Variants in PPIL4 observed in about 807,000 individuals in gnomAD.
The protein encoded by PPIL4 is peptidyl-prolyl cis-trans isomerase-like 4.
In PPIL4, 50 loss-of-function variants were observed where a neutral mutation model predicts 69.1. That is an observed-to-expected ratio of 0.72 (90% CI 0.58 to 0.92). The LOEUF (loss-of-function observed/expected upper bound fraction) is 0.92, where lower values mean the gene tolerates loss of function less well. Ranked by LOEUF, PPIL4 falls within the 40% of genes least tolerant of loss-of-function variation. PPIL4 has a pLI of 0.00. For synonymous variants in PPIL4, 193 were observed against 191.6 expected, an observed-to-expected ratio of 1.01 and a Z score of -0.06; for missense variants, 480 against 587.9, an observed-to-expected ratio of 0.82 and a Z score of 1.90.
At chr6:149,523,753 G>A (rs1225229286) in intron 9 of PPIL4, among the ~76,000 whole-genome samples, 2 of 151,852 alleles carry the variant, frequency 1.3e-5, no homozygotes, top group Non-Finnish European at 2.9e-5. Context: ...CTCAAAACAT[G>A]GGCAGTCATT....
intron 11 of PPIL4, among the ~76,000 whole-genome samples, chr6:149,513,418 TA>T (rs1266716952): frequency 3.1e-5 from 3 of 98,138 alleles, no homozygotes; most frequent in African/African-American, 1.4e-4. Context: ...AAAAAATATA[TA>T]TATATATATA....
chr6:149,520,729 C>T (rs1173547521), intron 10 of PPIL4, among the ~76,000 whole-genome samples: 1 of 152,064 alleles, frequency 6.6e-6, no homozygotes, highest in Non-Finnish European at 1.5e-5. Flanking sequence ...ATAACAAAAA[C>T]AAGGCCGGGC....
chr6:149,511,726 C>T (rs1187205420), intron 12 of PPIL4, among the ~76,000 whole-genome samples: 1 of 151,990 alleles, frequency 6.6e-6, no homozygotes, highest in East Asian at 1.9e-4. Context: ...ATTACCAGTG[C>T]TGTTTTTCTT....
chr6:149,523,261 T>C (rs1777058516), intron 9 of PPIL4, among the ~76,000 whole-genome samples: 1 of 151,996 alleles, frequency 6.6e-6, no homozygotes, highest in East Asian at 1.9e-4. Context: ...AAGTCCAGCC[T>C]GGGCAACACA....
chr6:149,533,321 C>G (rs1244743267), intron 7 of PPIL4, 137 bp downstream of exon 7: 2 of 585,336 alleles, frequency 3.4e-6, no homozygotes, highest in African/African-American at 3.8e-5. Flanking sequence ...TATTACTATG[C>G]CATACCAAAT....
intron 10 of PPIL4, chr6:149,517,731 C>A (rs964838866): frequency 1.3e-5 from 3 of 237,284 alleles, no homozygotes; most frequent in African/African-American, 6.9e-5. Context: ...TCAAGTAGAG[C>A]CATTGAGCCC....
At chr6:149,535,335 A>G (rs994999148) in intron 5 of PPIL4, among the ~76,000 whole-genome samples, 2 of 152,346 alleles carry the variant, frequency 1.3e-5, no homozygotes, top group Admixed American at 6.5e-5. Flanking sequence ...CAGCCTGGGC[A>G]ACAGCATGAG....
Position 149,523,798 on chromosome 6 carries a change from G to A in PPIL4, c.870+1345C>T, listed in dbSNP as rs73781220. On this transcript the variant is annotated intron_variant, in intron 9 of 12. Coordinates refer to ENST00000253329, the MANE Select transcript of PPIL4 (RefSeq NM_139126.4). The stretch of plus-strand genomic sequence containing the variant: ...GCTACAAATGAAATTTTATTTGTGA[G>A]AAAATAAATAATAGATTCTATAGTG... Among the ~76,000 whole-genome samples the A allele has an allele frequency of 9.6e-3, 1,467 of 152,204 alleles. 32 individuals carry two copies. The highest frequency in any genetic ancestry group is 0.034 in the African/African-American group (1,412 of 41,530).
chr6:149,520,309 T>C (rs1410069284), intron 10 of PPIL4, among the ~76,000 whole-genome samples: 1 of 151,904 alleles, frequency 6.6e-6, no homozygotes, highest in African/African-American at 2.4e-5. Context: ...GGAAGAGAAA[T>C]TAGATAGATG....
At chr6:149,530,098 C>T (rs1777172736) in intron 7 of PPIL4, among the ~76,000 whole-genome samples, 1 of 152,074 alleles carries the variant, frequency 6.6e-6, no homozygotes, top group Non-Finnish European at 1.5e-5. Context: ...TTTGTCAGTT[C>T]CACCGAATGT....
chr6:149,510,828 T>TCTC (rs1270928924), intron 12 of PPIL4, among the ~76,000 whole-genome samples: 1 of 151,708 alleles, frequency 6.6e-6, no homozygotes, highest in Non-Finnish European at 1.5e-5. Flanking sequence ...TCCAAGTAAC[T>TCTC]CTAAAACTAG....
chr6:149,526,601 A>G, intron 8 of PPIL4, 51 bp downstream of exon 8: 1 of 1,526,022 alleles, frequency 6.6e-7, no homozygotes. Flanking sequence ...GAAAACCACC[A>G]ACTGATACCT....
intron 9 of PPIL4, among the ~76,000 whole-genome samples, chr6:149,522,638 G>C (rs1314263340): frequency 6.6e-6 from 1 of 152,056 alleles, no homozygotes; most frequent in African/African-American, 2.4e-5. Context: ...TTTTGAGACG[G>C]AGTCTTGCTC....
chr6:149,536,887 G>A (rs765434852), intron 4 of PPIL4, among the ~76,000 whole-genome samples: 16 of 152,278 alleles, frequency 1.1e-4, no homozygotes, highest in African/African-American at 3.6e-4. Flanking sequence ...CAGCACTTTA[G>A]GAGGCCGAGG....
At chr6:149,537,705 CAA>C (rs750622067) in intron 4 of PPIL4, among the ~76,000 whole-genome samples, 5 of 130,054 alleles carry the variant, frequency 3.8e-5, no homozygotes, top group Non-Finnish European at 3.3e-5. Context: ...GACTCCATCT[CAA>C]AAAAAAAAAA....
intron 7 of PPIL4, among the ~76,000 whole-genome samples, chr6:149,532,602 G>A (rs1264135386): frequency 6.6e-6 from 1 of 152,094 alleles, no homozygotes; most frequent in Admixed American, 6.6e-5. Context: ...ACAGTTGATG[G>A]TAATATAAAC....
At position 149,509,441 on chromosome 6, in the gene PPIL4, G is replaced by A. The variant is rs536108437; in HGVS notation, c.1227+2714C>T. Among the ~76,000 whole-genome samples, 5 of 152,286 alleles carry A rather than the reference G, an allele frequency of 3.3e-5. No homozygotes were observed. The South Asian group carries it at 1.0e-3, about 32-fold the overall frequency. ...TTCATGGACGGTTCCATGTACAAGT[G>A]CAGGATGAAAAGCTGGAGCTAAAAG... On this transcript the variant is annotated intron_variant, in intron 12 of 12. Transcript: ENST00000253329.
rs372148237 is a variant in PPIL4 at position 149,505,593 on chromosome 6, G to A, written c.1339C>T (p.Arg447Ter). The A allele has an allele frequency of 2.5e-6, 4 of 1,613,784 alleles. No individual in the cohort carries two copies. Among genetic ancestry groups the A allele is most frequent in the African/African-American group, 2.7e-5 (2 of 74,826 alleles). Reference protein sequence around the residue: ...RTQNRSRSRSRERDGHYSNSH... With the variant: ...RTQNRSRSRS ...TTACTATAATGGCCATCCCTCTCTC[G>A]AGATCGGCTACGACTTCGGTTCTGA... Residue 447 changes from arginine (R) to a stop codon, truncating the protein, a stop_gained, in exon 13 of 13, where the codon CGA (arginine) becomes TGA (stop). Coordinates refer to ENST00000253329, the MANE Select transcript of PPIL4 (RefSeq NM_139126.4). LOFTEE classifies it high-confidence loss of function.
At chr6:149,531,329 C>A (rs1053189152) in intron 7 of PPIL4, among the ~76,000 whole-genome samples, 2 of 146,798 alleles carry the variant, frequency 1.4e-5, no homozygotes, top group African/African-American at 5.1e-5. Flanking sequence ...CGTGCCATTG[C>A]ACTCCAGCCT....
Sources: gnomAD v4.1 joint callset for allele counts (sites outside exome capture counted in the v4.1 genomes callset) on GRCh38, gnomAD v4.1.1 for gene constraint, MANE v1.5 for transcripts, NCBI Gene and HGNC (gene_info 2026-07-23, HGNC 2026-07-21) for gene names.